Variants in ARLN observed in about 807,000 individuals in gnomAD.
The protein encoded by ARLN is sarcoplasmic/endoplasmic reticulum calcium ATPase regulator ARLN.
At chr4:119,298,151 T>C in the ARLN span, 1 of 152,168 alleles carries the variant, frequency 6.6e-6, no homozygotes, top group African/African-American at 2.4e-5. Context: ...AGGGGGAAGA[T>C]ACCCAGGTAA....
At chr4:119,299,850 G>A in the ARLN span, among the ~76,000 whole-genome samples, 1 of 152,150 alleles carries the variant, frequency 6.6e-6, no homozygotes, top group Non-Finnish European at 1.5e-5. Context: ...GACATGTTTA[G>A]TTTGAGACAG....
the ARLN span, chr4:119,304,208 C>T: frequency 6.9e-7 from 1 of 1,457,404 alleles, no homozygotes; most frequent in Non-Finnish European, 9.2e-7. Context: ...CACTACAATT[C>T]ACATTGATCT....
the ARLN span, chr4:119,300,938 T>C: frequency 1.2e-6 from 1 of 817,712 alleles, no homozygotes; most frequent in African/African-American, 1.7e-5. Flanking sequence ...GTATTCCGTT[T>C]GGATCCTTAT....
the ARLN span, chr4:119,300,190 C>G: frequency 1.5e-6 from 1 of 685,720 alleles, no homozygotes; most frequent in South Asian, 1.8e-5. Flanking sequence ...TAGTCCTTCT[C>G]CCCCACCCAC....
At chr4:119,300,867 C>T in the ARLN span, 42 of 1,390,008 alleles carry the variant, frequency 3.0e-5, no homozygotes, top group Non-Finnish European at 3.9e-5. Flanking sequence ...CCTGAAAGGC[C>T]CAGTCCAGTC....
At chr4:119,302,267 T>A in the ARLN span, among the ~76,000 whole-genome samples, 269 of 152,340 alleles carry the variant, frequency 1.8e-3, no homozygotes, top group Non-Finnish European at 3.1e-3. Context: ...GAGGGGATGT[T>A]GACAGTATGA....
At chr4:119,298,683 C>G in the ARLN span, 2 of 688,070 alleles carry the variant, frequency 2.9e-6, no homozygotes, top group Non-Finnish European at 5.3e-6. Flanking sequence ...TGAAATTCTT[C>G]TATTGAGAGT....
the ARLN span, chr4:119,297,180 T>C: frequency 6.6e-6 from 1 of 152,230 alleles, no homozygotes; most frequent in Non-Finnish European, 1.5e-5. Context: ...ATACCTTCCA[T>C]AGATGGTTCT....
the ARLN span, among the ~76,000 whole-genome samples, chr4:119,300,050 C>T: frequency 6.6e-6 from 1 of 151,990 alleles, no homozygotes; most frequent in South Asian, 2.1e-4. Flanking sequence ...CTTCTCCGGT[C>T]GCTTCATGGT....
the ARLN span, among the ~76,000 whole-genome samples, chr4:119,303,266 C>T: frequency 7.1e-6 from 1 of 140,108 alleles, no homozygotes; most frequent in Non-Finnish European, 1.5e-5. Context: ...CGGAGTCTTG[C>T]TCTGTCGCCC....
the ARLN span, chr4:119,300,384 A>G: frequency 6.2e-7 from 1 of 1,613,568 alleles, no homozygotes; most frequent in Non-Finnish European, 8.5e-7. Flanking sequence ...GAAAAGGATG[A>G]AAAGCCAGAG....
the ARLN span, among the ~76,000 whole-genome samples, chr4:119,299,437 A>G: frequency 6.6e-6 from 1 of 152,208 alleles, no homozygotes; most frequent in Non-Finnish European, 1.5e-5. Context: ...GTGAGTGAAC[A>G]ATCAACTCCA....
chr4:119,303,170 T>C, the ARLN span, among the ~76,000 whole-genome samples: 2 of 152,108 alleles, frequency 1.3e-5, no homozygotes, highest in Non-Finnish European at 2.9e-5. Context: ...TACCACAGGT[T>C]ATTTCTCCAT....
chr4:119,304,345 T>A, the ARLN span: 1 of 1,536,848 alleles, frequency 6.5e-7, no homozygotes, highest in Admixed American at 2.0e-5. Flanking sequence ...GTGAATGAAG[T>A]ATTTGTTTCC....
At chr4:119,302,682 C>T in the ARLN span, among the ~76,000 whole-genome samples, 1 of 152,186 alleles carries the variant, frequency 6.6e-6, no homozygotes, top group Non-Finnish European at 1.5e-5. Context: ...AAAATATGCA[C>T]CAGGGACTAC....
At chr4:119,300,828 T>C in the ARLN span, 1 of 1,435,978 alleles carries the variant, frequency 7.0e-7, no homozygotes, top group African/African-American at 1.4e-5. Context: ...GTTATTCAGG[T>C]TTCGTTGGAA....
the ARLN span, among the ~76,000 whole-genome samples, chr4:119,299,621 T>G: frequency 6.6e-6 from 1 of 152,194 alleles, no homozygotes; most frequent in Non-Finnish European, 1.5e-5. Flanking sequence ...AATTGTCTTT[T>G]CAGAGCGAGT....
At chr4:119,299,837 T>C in the ARLN span, among the ~76,000 whole-genome samples, 1 of 152,152 alleles carries the variant, frequency 6.6e-6, no homozygotes, top group Admixed American at 6.5e-5. Flanking sequence ...GAGTTCAGTT[T>C]TGGACATGTT....
chr4:119,300,677 A>C, the ARLN span: 6 of 1,542,724 alleles, frequency 3.9e-6, no homozygotes, highest in South Asian at 1.2e-5. Context: ...TGCACTCTGA[A>C]CCTACTCTTC....
Sources: allele counts gnomAD v4.1 joint callset (sites outside exome capture counted in the v4.1 genomes callset), GRCh38; gene constraint gnomAD v4.1.1; transcripts MANE v1.5; gene names NCBI Gene and HGNC (gene_info 2026-07-23, HGNC 2026-07-21).